PTPRN2: variants seen among roughly 807,000 people sequenced by gnomAD.
PTPRN2 encodes receptor-type tyrosine-protein phosphatase N2.
A neutral mutation model predicts 118.8 loss-of-function variants in PTPRN2; 74 were observed. The ratio of observed to expected loss-of-function variants is 0.62; its 90% CI spans 0.52 to 0.76. PTPRN2 has a LOEUF of 0.76. PTPRN2 is among the 30% of genes least tolerant of loss of function. The pLI is 0.00. For synonymous variants in PTPRN2, 641 were observed against 608.0 expected (o/e 1.05, Z -0.80); for missense variants, 1,481 against 1,394.4 (o/e 1.06, Z -0.99).
intron 2 of PTPRN2, among the ~76,000 whole-genome samples, chr7:158,458,553 T>C (rs1258712733): frequency 6.6e-6 from 1 of 152,104 alleles, no homozygotes; most frequent in Non-Finnish European, 1.5e-5. Context: ...AGCCCCATGA[T>C]GTCCCACGAA....
intron 11 of PTPRN2, chr7:158,028,557 A>C (rs1807448762): frequency 6.6e-6 from 1 of 152,412 alleles, no homozygotes; most frequent in South Asian, 2.1e-4. Context: ...AGGAGCAAGG[A>C]GGAGACAGGT....
chr7:158,414,844 G>C (rs891926544), intron 2 of PTPRN2, among the ~76,000 whole-genome samples: 4 of 152,234 alleles, frequency 2.6e-5, no homozygotes, highest in Admixed American at 6.5e-5. Context: ...GAATGAGCCA[G>C]CGTGCTGTAA....
intron 12 of PTPRN2, among the ~76,000 whole-genome samples, chr7:157,802,699 T>G (rs1240670156): frequency 6.6e-6 from 1 of 152,190 alleles, no homozygotes; most frequent in East Asian, 1.9e-4. Context: ...ACCAACAGCA[T>G]GTAAGTGTTC....
In PTPRN2 at chr7:157,603,473, C is replaced by T. The variant is rs569019206; in HGVS notation, c.2418+529G>A. On this transcript the variant is annotated intron_variant, in intron 16 of 22. Transcript: ENST00000389418. The surrounding 1 kb of genome is among the most constrained non-coding windows in gnomAD (Gnocchi z 5.4). ...GAAACACAGGACAGCCCGATCTCCA[C>T]TGCACCTGCGTCTATCCCAGGGGGA... Among the ~76,000 whole-genome samples, 2 of 152,374 alleles carry T rather than the reference C, an allele frequency of 1.3e-5. No individual in the cohort carries two copies. Among genetic ancestry groups the T allele is most frequent in the East Asian group, 1.9e-4 (1 of 5,192 alleles).
chr7:157,843,401 C>T (rs1220805761), intron 12 of PTPRN2, among the ~76,000 whole-genome samples: 4 of 152,018 alleles, frequency 2.6e-5, no homozygotes, highest in East Asian at 1.9e-4. Context: ...GTAGGGGGGC[C>T]GGCGTGGGGG....
At chr7:158,194,622 G>C (rs1027031998) in intron 4 of PTPRN2, among the ~76,000 whole-genome samples, 2 of 152,228 alleles carry the variant, frequency 1.3e-5, no homozygotes, top group Non-Finnish European at 2.9e-5. Context: ...GGTGCGGTCA[G>C]CTGCCATCTG....
chr7:157,949,147 T>C (rs1800663227), intron 11 of PTPRN2, among the ~76,000 whole-genome samples: 3 of 152,172 alleles, frequency 2.0e-5, no homozygotes, highest in Admixed American at 2.0e-4. Flanking sequence ...GCATTTAAGA[T>C]AAGGTATACT....
intron 5 of PTPRN2, among the ~76,000 whole-genome samples, chr7:158,190,934 C>T (rs1021029471): frequency 6.6e-6 from 1 of 152,266 alleles, no homozygotes; most frequent in Non-Finnish European, 1.5e-5. Flanking sequence ...AACCATGGGG[C>T]CAAGGCCGGG....
At position 157,856,299 on chromosome 7, in the gene PTPRN2, C is replaced by T. The variant is rs1432871182; in HGVS notation, c.1788+42374G>A. Among the ~76,000 whole-genome samples the T allele has an allele frequency of 5.9e-5, 9 of 152,370 alleles. No homozygotes were observed. The South Asian group carries it at 8.3e-4, about 14-fold the overall frequency. The stretch of plus-strand genomic sequence containing the variant: ...ACCCAGTTGTCTGAAACATTTCACA[C>T]GGCAATGAAACTATTTCCAAATATT... On this transcript the variant is annotated intron_variant, in intron 12 of 22. Transcript: ENST00000389418.
At chr7:158,314,039 C>T (rs1802089325) in intron 3 of PTPRN2, among the ~76,000 whole-genome samples, 1 of 152,132 alleles carries the variant, frequency 6.6e-6, no homozygotes, top group South Asian at 2.1e-4. Context: ...GCACTAGCTC[C>T]CATGACAAGG....
intron 4 of PTPRN2, among the ~76,000 whole-genome samples, chr7:158,194,046 G>A (rs1403822305): frequency 1.3e-5 from 2 of 152,132 alleles, no homozygotes; most frequent in African/African-American, 2.4e-5. Context: ...CGATAGCGCC[G>A]CTGTGCTCCA....
chr7:158,182,644 G>A (rs1052226390), intron 5 of PTPRN2, among the ~76,000 whole-genome samples: 1 of 152,186 alleles, frequency 6.6e-6, no homozygotes, highest in African/African-American at 2.4e-5. Context: ...CCCTCCAAGG[G>A]ACATGATCTC....
chr7:158,356,777 T>G, intron 2 of PTPRN2, among the ~76,000 whole-genome samples: 1 of 83,716 alleles, frequency 1.2e-5, no homozygotes, highest in Non-Finnish European at 2.3e-5. Flanking sequence ...AAGCAAAAGG[T>G]GAAAAGAGCT....
intron 14 of PTPRN2, among the ~76,000 whole-genome samples, chr7:157,649,895 C>G (rs1165287798): frequency 1.3e-5 from 1 of 78,056 alleles, no homozygotes; most frequent in Non-Finnish European, 3.3e-5. Context: ...GTGGGTCGGA[C>G]CCATCCAGCG....
intron 11 of PTPRN2, among the ~76,000 whole-genome samples, chr7:157,965,381 A>AC (rs1416096455): frequency 6.6e-6 from 1 of 152,122 alleles, no homozygotes. Context: ...CCTGGCTTGG[A>AC]CTGGACAGAC....
chr7:157,588,675 C>T (rs1016309763), intron 17 of PTPRN2, among the ~76,000 whole-genome samples: 9 of 152,230 alleles, frequency 5.9e-5, no homozygotes, highest in South Asian at 2.1e-4. Context: ...ACTCTGCACA[C>T]GTGTATTTTT....
chr7:158,149,250 A>G (rs1820635030), intron 6 of PTPRN2, among the ~76,000 whole-genome samples: 1 of 152,016 alleles, frequency 6.6e-6, no homozygotes, highest in Non-Finnish European at 1.5e-5. Flanking sequence ...ATTATAGTAC[A>G]GGGAACCCAA....
At chr7:157,592,433 G>A (rs181417755) in intron 17 of PTPRN2, among the ~76,000 whole-genome samples, 200 of 152,070 alleles carry the variant, frequency 1.3e-3, no homozygotes, top group African/African-American at 4.5e-3. Context: ...CATCGTGGTC[G>A]TTGAGTGTGG....
intron 3 of PTPRN2, among the ~76,000 whole-genome samples, chr7:158,262,284 TCACA>T (rs1563053370): frequency 6.6e-6 from 1 of 151,604 alleles, no homozygotes; most frequent in African/African-American, 2.4e-5. Flanking sequence ...ATACACACAT[TCACA>T]CACACCGCAC....
Sources: allele counts gnomAD v4.1 joint callset (sites outside exome capture counted in the v4.1 genomes callset), GRCh38; gene constraint gnomAD v4.1.1; non-coding constraint Gnocchi (gnomAD v3.1); transcripts MANE v1.5; gene names NCBI Gene and HGNC (gene_info 2026-07-23, HGNC 2026-07-21).